The following NAALADL2 variants were observed in gnomAD, a reference collection of about 807,000 sequenced individuals.
NAALADL2 encodes N-acetylated alpha-linked acidic dipeptidase like 2, also known as inactive N-acetylated-alpha-linked acidic dipeptidase-like protein 2.
In NAALADL2, 76 loss-of-function variants were observed where a neutral mutation model predicts 87.2. That is an observed-to-expected ratio of 0.87 (90% CI 0.72 to 1.05). The LOEUF is 1.05. Ranked by LOEUF, NAALADL2 falls within the 50% of genes least tolerant of loss-of-function variation. The probability of loss-of-function intolerance (pLI) is 0.00; values close to 1 mark genes in which losing one functional copy is unlikely to be tolerated. For synonymous variants in NAALADL2, 354 were observed against 331.0 expected, an observed-to-expected ratio of 1.07 and a Z score of -0.75; for missense variants, 1,089 against 945.8, an observed-to-expected ratio of 1.15 and a Z score of -1.99.
At chr3:175,219,887 A>G (rs1401839819) in intron 2 of NAALADL2, among the ~76,000 whole-genome samples, 1 of 128,856 alleles carries the variant, frequency 7.8e-6, no homozygotes, top group Non-Finnish European at 1.6e-5. Flanking sequence ...TTTTTTGCCT[A>G]TCTTTCAACA....
At chr3:175,399,363 C>T (rs778384053) in intron 5 of NAALADL2, among the ~76,000 whole-genome samples, 4 of 152,038 alleles carry the variant, frequency 2.6e-5, no homozygotes, top group Non-Finnish European at 5.9e-5. Context: ...GGGAATGCAG[C>T]CCAGCAAGTC....
chr3:175,631,789 A>C (rs1727801558), intron 11 of NAALADL2, among the ~76,000 whole-genome samples: 1 of 151,926 alleles, frequency 6.6e-6, no homozygotes, highest in Admixed American at 6.6e-5. Flanking sequence ...ATGGCCATGT[A>C]TTCATGTTTT....
chr3:174,519,382 G>A (rs757981262), intron 1 of NAALADL2, among the ~76,000 whole-genome samples: 2 of 148,470 alleles, frequency 1.3e-5, no homozygotes, highest in Middle Eastern at 7.0e-3. Context: ...AGGCTGGAGT[G>A]CAGTGGTGTG....
At chr3:174,790,068 A>G (rs1717269140) in intron 3 of NAALADL2, among the ~76,000 whole-genome samples, 1 of 152,120 alleles carries the variant, frequency 6.6e-6, no homozygotes, top group Non-Finnish European at 1.5e-5. Flanking sequence ...CTTTCACCAC[A>G]CTCAAGGGAG....
chr3:175,638,763 G>C (rs1222619758), intron 11 of NAALADL2, among the ~76,000 whole-genome samples: 1 of 152,002 alleles, frequency 6.6e-6, no homozygotes, highest in Non-Finnish European at 1.5e-5. Flanking sequence ...ACATCATTTG[G>C]AAAATCTGAA....
intron 10 of NAALADL2, among the ~76,000 whole-genome samples, chr3:175,604,443 AC>A (rs1377041524): frequency 6.6e-6 from 1 of 151,328 alleles, no homozygotes; most frequent in Non-Finnish European, 1.5e-5. Flanking sequence ...AGCTGGGACT[AC>A]AGGCACCCAC....
intron 5 of NAALADL2, among the ~76,000 whole-genome samples, chr3:175,444,692 T>C (rs1393285112): frequency 6.6e-6 from 1 of 152,166 alleles, no homozygotes; most frequent in Non-Finnish European, 1.5e-5. Flanking sequence ...GCAAATTATA[T>C]AGCCACTTGT....
At chr3:175,003,953 A>C (rs1251141728) in intron 1 of NAALADL2, among the ~76,000 whole-genome samples, 4 of 152,134 alleles carry the variant, frequency 2.6e-5, no homozygotes, top group South Asian at 2.1e-4. Context: ...GACTGGAGGA[A>C]ACATTTTAAA....
At chr3:174,863,539 G>T (rs78567163) in intron 1 of NAALADL2, among the ~76,000 whole-genome samples, 3,998 of 147,682 alleles carry the variant, frequency 0.027, 170 homozygotes, top group African/African-American at 0.093. Context: ...TAGAGTCATT[G>T]TTTAGAAATG....
chr3:175,304,563 G>A (rs1757467456), intron 4 of NAALADL2, among the ~76,000 whole-genome samples: 1 of 152,098 alleles, frequency 6.6e-6, no homozygotes, highest in African/African-American at 2.4e-5. Flanking sequence ...CCTTTCCTGT[G>A]GCAGTCTCCT....
At chr3:175,358,250 A>T (rs535174363) in intron 5 of NAALADL2, among the ~76,000 whole-genome samples, 3 of 152,114 alleles carry the variant, frequency 2.0e-5, no homozygotes, top group African/African-American at 7.2e-5. Context: ...TTGACATGCA[A>T]TCATTTTCTT....
At chr3:174,938,560 C>T (rs1439499043) in intron 1 of NAALADL2, among the ~76,000 whole-genome samples, 2 of 152,026 alleles carry the variant, frequency 1.3e-5, no homozygotes, top group Non-Finnish European at 1.5e-5. Context: ...ATTGCTGGGT[C>T]GAATGGTAGT....
chr3:175,471,853 T>C (rs1724954764), intron 9 of NAALADL2, 95 bp downstream of exon 9: 8 of 1,021,948 alleles, frequency 7.8e-6, no homozygotes, highest in Non-Finnish European at 1.2e-5. Context: ...TTTTTAAATA[T>C]GCATCAAATG....
intron 1 of NAALADL2, among the ~76,000 whole-genome samples, chr3:174,976,448 G>C (rs1335296651): frequency 1.3e-5 from 2 of 152,158 alleles, no homozygotes; most frequent in African/African-American, 4.8e-5. Flanking sequence ...TTCTGGAAGA[G>C]AGCTATGAGG....
chr3:175,516,258 ATTG>A (rs1731818655), intron 9 of NAALADL2, among the ~76,000 whole-genome samples: 1 of 152,228 alleles, frequency 6.6e-6, no homozygotes. Flanking sequence ...AGATAGCCCT[ATTG>A]TTTATCTTTT....
At chr3:174,707,837 A>G (rs1730244931) in intron 2 of NAALADL2, among the ~76,000 whole-genome samples, 1 of 152,152 alleles carries the variant, frequency 6.6e-6, no homozygotes, top group South Asian at 2.1e-4. Flanking sequence ...GAAAGTCCAA[A>G]GCACAAAAAA....
chr3:174,981,560 TAATA>T (rs1428224659), intron 1 of NAALADL2, among the ~76,000 whole-genome samples: 1 of 152,180 alleles, frequency 6.6e-6, no homozygotes, highest in African/African-American at 2.4e-5. Flanking sequence ...ATATAGAGTT[TAATA>T]AATAATGTAA....
At chr3:174,941,004 C>T (rs1015089111) in intron 1 of NAALADL2, among the ~76,000 whole-genome samples, 8 of 152,004 alleles carry the variant, frequency 5.3e-5, no homozygotes, top group South Asian at 2.1e-4. Context: ...TAATTTCCTT[C>T]GGTTCAGCTC....
At chr3:174,754,697 T>C (rs1711781915) in intron 3 of NAALADL2, among the ~76,000 whole-genome samples, 1 of 152,134 alleles carries the variant, frequency 6.6e-6, no homozygotes, top group Non-Finnish European at 1.5e-5. Context: ...TAAGATGTGT[T>C]GTAGAATGGA....
Sources: gnomAD v4.1 joint callset for allele counts (sites outside exome capture counted in the v4.1 genomes callset) on GRCh38, gnomAD v4.1.1 for gene constraint, MANE v1.5 for transcripts, NCBI Gene and HGNC (gene_info 2026-07-23, HGNC 2026-07-21) for gene names.